GALNTL6: variants seen among roughly 807,000 people sequenced by gnomAD.
GALNTL6 encodes the protein polypeptide N-acetylgalactosaminyltransferase-like 6.
GALNTL6 carries 46 observed loss-of-function variants against 73.7 expected under a neutral mutation model. The observed-to-expected ratio is 0.62, with a 90% CI of 0.49 to 0.80. GALNTL6 has a LOEUF of 0.80. Ranked by LOEUF, GALNTL6 falls within the 30% of genes least tolerant of loss-of-function variation. The pLI is 0.00. For missense variants in GALNTL6, 604 were observed against 755.0 expected (o/e 0.80, Z 2.34); for synonymous variants, 259 against 263.7 (o/e 0.98, Z 0.17).
At position 172,061,062 on chromosome 4, in the gene GALNTL6, T is replaced by G. The variant is rs551170381; in HGVS notation, c.139-168594T>G. Among the ~76,000 whole-genome samples the G allele has an allele frequency of 6.9e-4, 105 of 152,316 alleles. 1 individual carries two copies. Among genetic ancestry groups the G allele is most frequent in the African/African-American group, 2.2e-3 (93 of 41,580 alleles). On this transcript the variant is annotated intron_variant, in intron 2 of 12. Coordinates refer to ENST00000506823, the MANE Select transcript of GALNTL6 (RefSeq NM_001034845.3). ...CCATGAAGAAAATACACATACATATTAATAACTGGTAACAGTGATTACCTG... is the reference window on the plus strand; with the variant it reads ...CCATGAAGAAAATACACATACATATGAATAACTGGTAACAGTGATTACCTG...
intron 2 of GALNTL6, among the ~76,000 whole-genome samples, chr4:171,915,642 A>G (rs1216754476): frequency 2.0e-5 from 3 of 152,202 alleles, no homozygotes; most frequent in Non-Finnish European, 4.4e-5. Context: ...TACCACAAGA[A>G]TTTGTTAAAA....
intron 5 of GALNTL6, among the ~76,000 whole-genome samples, chr4:172,712,632 G>A (rs1206780905): frequency 6.6e-6 from 1 of 152,092 alleles, no homozygotes; most frequent in East Asian, 1.9e-4. Flanking sequence ...TGATGTAAAT[G>A]ATAAAACAAG....
intron 2 of GALNTL6, among the ~76,000 whole-genome samples, chr4:171,941,014 A>T (rs1738524504): frequency 6.6e-6 from 1 of 151,998 alleles, no homozygotes; most frequent in Admixed American, 6.6e-5. Flanking sequence ...AAAATTTAAA[A>T]GTCAGGAGTC....
At chr4:172,601,240 G>A (rs1013428586) in intron 5 of GALNTL6, among the ~76,000 whole-genome samples, 4 of 152,104 alleles carry the variant, frequency 2.6e-5, no homozygotes, top group African/African-American at 9.7e-5. Context: ...CATAGCAATA[G>A]AAACTAATCT....
chr4:172,989,192 C>A (rs1253617923), intron 10 of GALNTL6, among the ~76,000 whole-genome samples: 1 of 152,200 alleles, frequency 6.6e-6, no homozygotes, highest in Non-Finnish European at 1.5e-5. Flanking sequence ...CTATATCTTG[C>A]AGAGCCACAA....
chr4:171,989,722 T>G (rs1462077565), intron 2 of GALNTL6, among the ~76,000 whole-genome samples: 2 of 152,192 alleles, frequency 1.3e-5, no homozygotes, highest in Non-Finnish European at 2.9e-5. Context: ...AATTTAATTT[T>G]TGCAGTTTTA....
chr4:172,922,463 A>G (rs1294479441), intron 8 of GALNTL6, among the ~76,000 whole-genome samples: 1 of 152,174 alleles, frequency 6.6e-6, no homozygotes. Flanking sequence ...CATCTACTCT[A>G]TCAGAATGTG....
chr4:172,379,225 G>A (rs912627373), intron 5 of GALNTL6, among the ~76,000 whole-genome samples: 1 of 152,152 alleles, frequency 6.6e-6, no homozygotes, highest in Non-Finnish European at 1.5e-5. Context: ...CTTGGCTAGG[G>A]AACATATTCT....
intron 2 of GALNTL6, among the ~76,000 whole-genome samples, chr4:172,192,855 C>T (rs1735628794): frequency 6.6e-6 from 1 of 152,194 alleles, no homozygotes; most frequent in Non-Finnish European, 1.5e-5. Flanking sequence ...CTGCCATTTT[C>T]CCTTGCTGGT....
At chr4:172,998,626 C>T (rs745313969) in intron 10 of GALNTL6, among the ~76,000 whole-genome samples, 82 of 152,210 alleles carry the variant, frequency 5.4e-4, no homozygotes, top group Non-Finnish European at 6.0e-4. Context: ...TTTGAAAGGT[C>T]TCTGGTGACT....
intron 5 of GALNTL6, among the ~76,000 whole-genome samples, chr4:172,430,419 A>G (rs534471829): frequency 5.3e-5 from 8 of 152,288 alleles, no homozygotes; most frequent in African/African-American, 1.9e-4. Flanking sequence ...TAGAAAGCGT[A>G]TCTCTAAATT....
At chr4:172,830,925 T>C (rs1297191472) in intron 7 of GALNTL6, among the ~76,000 whole-genome samples, 2 of 152,118 alleles carry the variant, frequency 1.3e-5, no homozygotes, top group Non-Finnish European at 2.9e-5. Context: ...TTTGAGAGGC[T>C]GAGGCAGGTA....
At chr4:172,759,099 C>A (rs996348665) in intron 5 of GALNTL6, among the ~76,000 whole-genome samples, 1 of 152,184 alleles carries the variant, frequency 6.6e-6, no homozygotes, top group Non-Finnish European at 1.5e-5. Context: ...TCTGCTTCCT[C>A]TATTTACTTT....
rs569981761 is a variant in GALNTL6 at position 172,985,058 on chromosome 4, C to G, written c.1372-24120C>G. Among the ~76,000 whole-genome samples, 18 of 152,186 alleles carry G rather than the reference C, an allele frequency of 1.2e-4. No individual in the cohort carries two copies. In the South Asian group the frequency reaches 3.5e-3, roughly 30 times the overall value. On this transcript the variant is annotated intron_variant, in intron 10 of 12. Coordinates refer to ENST00000506823, the MANE Select transcript of GALNTL6 (RefSeq NM_001034845.3). ...GCCAGGCTCTAAAAAATAAACCAGG[C>G]AAGTATTACATTCAGCCAGGGGGCT...
At chr4:171,920,347 T>G in intron 2 of GALNTL6, among the ~76,000 whole-genome samples, 1 of 151,902 alleles carries the variant, frequency 6.6e-6, no homozygotes, top group Non-Finnish European at 1.5e-5. Context: ...AACCTGCATG[T>G]TGTGCACATG....
intron 11 of GALNTL6, among the ~76,000 whole-genome samples, chr4:173,010,188 C>G (rs1052729072): frequency 6.6e-6 from 1 of 152,146 alleles, no homozygotes; most frequent in African/African-American, 2.4e-5. Flanking sequence ...CTCTGGTAAC[C>G]ATCCTTCTAC....
At chr4:172,638,399 A>T (rs1739794114) in intron 5 of GALNTL6, among the ~76,000 whole-genome samples, 1 of 152,148 alleles carries the variant, frequency 6.6e-6, no homozygotes, top group Admixed American at 6.6e-5. Context: ...CCTGTAAGGA[A>T]GTGGGGTGGG....
rs1379703172 is a variant in GALNTL6, at chr4:172,509,982, A to G, written c.553+161293A>G. ...GATTTTTCTAGTTATGTGAAGAATG[A>G]TGACAGTATTTTGATGGGAATTGCA... On this transcript the variant is annotated intron_variant, in intron 5 of 12. Transcript: ENST00000506823. Among the ~76,000 whole-genome samples the G allele has an allele frequency of 1.1e-4, 6 of 54,726 alleles. 3 individuals are homozygous for G. Among genetic ancestry groups the G allele is most frequent in the African/African-American group, 2.7e-4 (6 of 21,898 alleles). 35.9% of individuals were successfully genotyped at this position (54,726 alleles called of 152,430 possible).
intron 2 of GALNTL6, among the ~76,000 whole-genome samples, chr4:172,219,842 A>G (rs1736615424): frequency 6.6e-6 from 1 of 151,972 alleles, no homozygotes; most frequent in East Asian, 1.9e-4. Flanking sequence ...ATGGAAAGCA[A>G]CCTGGTTTTG....
Sources: gnomAD v4.1 joint callset for allele counts (sites outside exome capture counted in the v4.1 genomes callset) on GRCh38, gnomAD v4.1.1 for gene constraint, MANE v1.5 for transcripts, NCBI Gene and HGNC (gene_info 2026-07-23, HGNC 2026-07-21) for gene names.